The following MAPK10 variants were observed in gnomAD, a reference collection of about 807,000 sequenced individuals.
MAPK10 encodes mitogen-activated protein kinase 10.
Under a neutral mutation model 59.3 loss-of-function variants are expected in MAPK10, and 25 were observed. That is an observed-to-expected ratio of 0.42 (90% CI 0.31 to 0.59). MAPK10 has a LOEUF of 0.59. Ranked by LOEUF, MAPK10 falls within the 20% of genes least tolerant of loss-of-function variation. The pLI is 0.15. For synonymous variants in MAPK10, 190 were observed against 200.5 expected (o/e 0.95, Z 0.44); for missense variants, 351 against 568.9 (o/e 0.62, Z 3.90).
chr4:86,352,215 A>G (rs1731898688), intron 2 of MAPK10: 1 of 152,138 alleles, frequency 6.6e-6, no homozygotes, highest in Non-Finnish European at 1.5e-5. Flanking sequence ...AAAACGGTAA[A>G]TATCAGAAAC....
chr4:86,566,584 G>A (rs1466145667), intron 1 of MAPK10, among the ~76,000 whole-genome samples: 1 of 151,960 alleles, frequency 6.6e-6, no homozygotes, highest in Non-Finnish European at 1.5e-5. Context: ...GCATGGTGCT[G>A]GGCATCTGTA....
intron 1 of MAPK10, among the ~76,000 whole-genome samples, chr4:86,565,013 G>A (rs1165975549): frequency 6.6e-6 from 1 of 152,178 alleles, no homozygotes; most frequent in East Asian, 1.9e-4. Context: ...ATGGGCTTCT[G>A]TGAGACTTCT....
At chr4:86,078,211 A>G (rs1202513618) in intron 9 of MAPK10, among the ~76,000 whole-genome samples, 1 of 152,244 alleles carries the variant, frequency 6.6e-6, no homozygotes, top group East Asian at 1.9e-4. Context: ...TCCAAATGTA[A>G]GAGTAAAATA....
chr4:86,097,033 C>T (rs536122623), intron 9 of MAPK10, among the ~76,000 whole-genome samples: 61 of 151,854 alleles, frequency 4.0e-4, no homozygotes, highest in Admixed American at 1.1e-3. Context: ...TTAATGTCCA[C>T]ATTCAAAAGA....
intron 1 of MAPK10, among the ~76,000 whole-genome samples, chr4:86,373,756 C>A (rs1739303892): frequency 6.6e-6 from 1 of 152,168 alleles, no homozygotes. Context: ...CAGGAAACAA[C>A]AGATGCTGGA....
rs1203799137 is a variant in MAPK10, at chr4:86,012,499, CA to C, written c.*4728del. 6.6e-6 allele frequency: 1 copy of C among 152,154 alleles called. No homozygotes were observed. Among genetic ancestry groups the C allele is most frequent in the Non-Finnish European group, 1.5e-5 (1 of 68,030 alleles). 9.4% of individuals were successfully genotyped at this position (152,154 alleles called of 1,614,324 possible). A position where few individuals can be genotyped will look rare whatever the true frequency, so the allele number is the denominator to read the frequency against. On this transcript the variant is annotated 3_prime_UTR_variant, in exon 14 of 14. Transcript: ENST00000641462. ...GGATTTGGTTTTATGTTGAGAGAAG[CA>C]GATTTCCTCTGATTTTAATAATCCA... is the stretch of plus-strand genomic sequence containing the variant.
At chr4:86,218,568 C>CAA (rs11330422) in intron 2 of MAPK10, among the ~76,000 whole-genome samples, 10,768 of 95,180 alleles carry the variant, frequency 0.11, 666 homozygotes, top group Non-Finnish European at 0.14. Flanking sequence ...AAGACTTAAG[C>CAA]AAAAAAAAAA....
At chr4:86,435,493 A>G (rs1351627309) in intron 1 of MAPK10, among the ~76,000 whole-genome samples, 1 of 152,082 alleles carries the variant, frequency 6.6e-6, no homozygotes, top group Non-Finnish European at 1.5e-5. Context: ...GCAAAACGCC[A>G]TCTCACAAAA....
intron 3 of MAPK10, among the ~76,000 whole-genome samples, chr4:86,170,551 C>G (rs2073794609): frequency 6.6e-6 from 1 of 151,998 alleles, no homozygotes; most frequent in South Asian, 2.1e-4. Context: ...GCACCCAATA[C>G]AGGAGCACCC....
chr4:86,118,113 C>T (rs2058573547), intron 4 of MAPK10, among the ~76,000 whole-genome samples: 1 of 152,170 alleles, frequency 6.6e-6, no homozygotes, highest in Non-Finnish European at 1.5e-5. Context: ...TGTCTTCTGC[C>T]ATGAACCTTG....
intron 1 of MAPK10, among the ~76,000 whole-genome samples, chr4:86,491,934 C>G (rs1297533987): frequency 6.6e-6 from 1 of 152,128 alleles, no homozygotes; most frequent in African/African-American, 2.4e-5. Context: ...TAACTCAGGT[C>G]TCTTCCTTTC....
In MAPK10 at chr4:86,293,034, A is replaced by G. The variant is rs2095269417; in HGVS notation, c.-7+61496T>C. 2.6e-5 allele frequency among the ~76,000 whole-genome samples: 4 copies of G among 152,218 alleles called. No individual in the cohort carries two copies. The South Asian group carries it at 8.3e-4, about 32-fold the overall frequency. On this transcript the variant is annotated intron_variant, in intron 2 of 13. Coordinates refer to ENST00000641462, the MANE Select transcript of MAPK10 (RefSeq NM_138982.4). ...ATCTAACCTAAATGTTTTTCTCTCC[A>G]CATCTACAAATACAACTATGTCTAT...
chr4:86,028,386 T>C (rs1751406222), intron 13 of MAPK10: 1 of 151,714 alleles, frequency 6.6e-6, no homozygotes, highest in African/African-American at 2.4e-5. Flanking sequence ...GGGTGTAAAT[T>C]AGTTATTCGA....
chr4:86,352,525 A>T (rs1732087605), intron 2 of MAPK10, among the ~76,000 whole-genome samples: 1 of 152,174 alleles, frequency 6.6e-6, no homozygotes, highest in Non-Finnish European at 1.5e-5. Context: ...AGATGCACAG[A>T]TAGATGGAAA....
intron 11 of MAPK10, among the ~76,000 whole-genome samples, chr4:86,060,841 A>T (rs2045621728): frequency 1.3e-5 from 2 of 152,158 alleles, no homozygotes; most frequent in South Asian, 4.1e-4. Context: ...GAAATAGATC[A>T]TTGTCATCAT....
chr4:86,396,240 G>C lies in MAPK10; in HGVS notation c.-121-41596C>G, dbSNP rs571566830. Among the ~76,000 whole-genome samples, 164 of 152,232 alleles carry C rather than the reference G, an allele frequency of 1.1e-3. 1 individual carries two copies. Among genetic ancestry groups the C allele is most frequent in the African/African-American group, 3.8e-3 (156 of 41,564 alleles). On this transcript the variant is annotated intron_variant, in intron 1 of 13. Transcript: ENST00000361569. ...CGGGCGCCTGTAGTCTCAGCTACTC[G>C]GGAGGCTGAGGCAGGAGAATGGCGC...
At chr4:86,372,995 C>G (rs1212852792) in intron 1 of MAPK10, among the ~76,000 whole-genome samples, 1 of 152,190 alleles carries the variant, frequency 6.6e-6, no homozygotes, top group Non-Finnish European at 1.5e-5. Context: ...ATCATGCTAC[C>G]TGACTTCAAA....
chr4:86,273,376 A>G (rs2094488370), intron 2 of MAPK10, among the ~76,000 whole-genome samples: 1 of 152,042 alleles, frequency 6.6e-6, no homozygotes, highest in Non-Finnish European at 1.5e-5. Flanking sequence ...CTAAAATCCT[A>G]TAAATAAAAT....
intron 2 of MAPK10, among the ~76,000 whole-genome samples, chr4:86,233,438 C>T (rs1277858314): frequency 3.3e-5 from 5 of 152,242 alleles, no homozygotes; most frequent in African/African-American, 7.2e-5. Context: ...CACAAAGACT[C>T]GGCTAAATGG....
Sources: gnomAD v4.1 joint callset for allele counts (sites outside exome capture counted in the v4.1 genomes callset) on GRCh38, gnomAD v4.1.1 for gene constraint, MANE v1.5 for transcripts, NCBI Gene and HGNC (gene_info 2026-07-23, HGNC 2026-07-21) for gene names.